Variants in COL28A1 observed in about 807,000 individuals in gnomAD.
COL28A1 encodes the protein collagen type XXVIII alpha 1 chain.
COL28A1 carries 161 observed loss-of-function variants against 150.2 expected under a neutral mutation model. That is an observed-to-expected ratio of 1.07 (90% CI 0.94 to 1.22). The LOEUF is 1.22. Among genes scored for constraint, COL28A1 ranks in the 50% most tolerant of loss-of-function variants. COL28A1 has a pLI of 0.00. For missense variants in COL28A1, 1,617 were observed against 1,388.3 expected, an observed-to-expected ratio of 1.16 and a Z score of -2.62; for synonymous variants, 552 against 469.7, an observed-to-expected ratio of 1.18 and a Z score of -2.26.
At chr7:7,422,085 A>T (rs80074674) in intron 25 of COL28A1, among the ~76,000 whole-genome samples, 1 of 152,160 alleles carries the variant, frequency 6.6e-6, no homozygotes, top group African/African-American at 2.4e-5. Flanking sequence ...AAGTTCTCCA[A>T]CTACACCTGA....
At position 7,362,768 on chromosome 7, in the gene COL28A1, T is replaced by C. The variant is rs183389512; in HGVS notation, c.3067-2240A>G. On this transcript the variant is annotated intron_variant, in intron 33 of 34. Transcript: ENST00000399429. ...TCCTCTTTCTTTCAGAATGATCCTG[T>C]ATGCAGATACAGCAATTTGAATGTG... 1.8e-3 allele frequency among the ~76,000 whole-genome samples: 268 copies of C among 152,340 alleles called. 1 individual carries two copies. The highest frequency in any genetic ancestry group is 6.1e-3 in the African/African-American group (255 of 41,574).
intron 18 of COL28A1, among the ~76,000 whole-genome samples, chr7:7,451,231 C>CT (rs111414835): frequency 0.02 from 2,901 of 144,580 alleles, 73 homozygotes; most frequent in East Asian, 0.13. Context: ...TGAAATACTT[C>CT]TTTTTTTTTT....
intron 27 of COL28A1, among the ~76,000 whole-genome samples, chr7:7,407,049 A>C (rs12702613): frequency 0.15 from 22,719 of 152,048 alleles, 1,865 homozygotes; most frequent in Middle Eastern, 0.23. Flanking sequence ...AACTCAATGG[A>C]CTGGTTAAAT....
At chr7:7,443,314 A>G (rs1785958573) in intron 20 of COL28A1, among the ~76,000 whole-genome samples, 1 of 152,094 alleles carries the variant, frequency 6.6e-6, no homozygotes, top group Admixed American at 6.5e-5. Flanking sequence ...TTTCCTTCCT[A>G]TGTGTTTTTT....
At chr7:7,503,855 C>T (rs1007297312) in intron 11 of COL28A1, among the ~76,000 whole-genome samples, 1 of 152,122 alleles carries the variant, frequency 6.6e-6, no homozygotes, top group Non-Finnish European at 1.5e-5. Context: ...AGACTCCGAG[C>T]GATCCCCAAC....
At chr7:7,432,962 T>G (rs1334752155) in intron 23 of COL28A1, among the ~76,000 whole-genome samples, 2 of 4,284 alleles carry the variant, frequency 4.7e-4, no homozygotes, top group African/African-American at 6.0e-3. Flanking sequence ...GAGTGTGGGA[T>G]AACTAGTTTC....
At chr7:7,397,536 T>C (rs1782910443) in intron 27 of COL28A1, among the ~76,000 whole-genome samples, 1 of 152,208 alleles carries the variant, frequency 6.6e-6, no homozygotes, top group African/African-American at 2.4e-5. Context: ...GTCTGTAATT[T>C]ACCTTAATAC....
chr7:7,514,874 G>A (rs17168369), intron 8 of COL28A1, among the ~76,000 whole-genome samples: 15,502 of 151,978 alleles, frequency 0.1, 860 homozygotes, highest in Middle Eastern at 0.21. Context: ...GCTACCATTC[G>A]GCTCCCCCTC....
intron 27 of COL28A1, among the ~76,000 whole-genome samples, chr7:7,396,918 C>G (rs1317947332): frequency 1.3e-5 from 2 of 152,186 alleles, no homozygotes; most frequent in African/African-American, 4.8e-5. Flanking sequence ...CCATGGCCCT[C>G]AATGCAGGGC....
chr7:7,350,035 A>C, the COL28A1 span, among the ~76,000 whole-genome samples: 1 of 152,276 alleles, frequency 6.6e-6, no homozygotes, highest in East Asian at 1.9e-4. Context: ...TGATGCTAAA[A>C]GGTTTGCCCT....
intron 20 of COL28A1, among the ~76,000 whole-genome samples, chr7:7,441,760 C>T (rs1401662828): frequency 6.6e-6 from 1 of 151,974 alleles, no homozygotes; most frequent in South Asian, 2.1e-4. Context: ...GTTCAGGGAC[C>T]ACACTTTGAG....
At chr7:7,502,107 C>T (rs1780565912) in intron 11 of COL28A1, among the ~76,000 whole-genome samples, 1 of 152,148 alleles carries the variant, frequency 6.6e-6, no homozygotes, top group East Asian at 1.9e-4. Flanking sequence ...CTTGGCCAGG[C>T]TGGTCTTGAG....
Position 7,373,025 on chromosome 7 carries a change from G to A in COL28A1, c.2881C>T (p.Gln961Ter), listed in dbSNP as rs201791013. The A allele has an allele frequency of 6.2e-7, 1 of 1,613,894 alleles. No individual in the cohort carries two copies. Among genetic ancestry groups the A allele is most frequent in the East Asian group, 2.2e-5 (1 of 44,876 alleles). Residue 961 changes from glutamine to a stop codon, truncating the protein, a stop_gained, in exon 32 of 35, where the codon CAG (glutamine) becomes TAG (stop). Coordinates refer to ENST00000399429, the MANE Select transcript of COL28A1 (RefSeq NM_001037763.3). LOFTEE classifies it high-confidence loss of function. This position sits in a 1 kb window ranked among gnomAD's most constrained non-coding sequence, Gnocchi z 4.1. ...TGCAGGGTAAAGAAATCATCAAACTGGTAAACATGCTCTGGGTCAGTAGCA... is the reference window on the plus strand; with the variant it reads ...TGCAGGGTAAAGAAATCATCAAACTAGTAAACATGCTCTGGGTCAGTAGCA... The part of the protein sequence containing the change: ...LIATDPEHVY[Q>*]FDDFFTLQDT...
intron 15 of COL28A1, among the ~76,000 whole-genome samples, chr7:7,465,640 C>T (rs1237139307): frequency 2.7e-4 from 32 of 119,580 alleles, no homozygotes; most frequent in African/African-American, 9.9e-4. Context: ...GTAGGCTCCA[C>T]CTCTGGGGGC....
chr7:7,347,819 G>A, the COL28A1 span, among the ~76,000 whole-genome samples: 4 of 152,094 alleles, frequency 2.6e-5, no homozygotes, highest in Non-Finnish European at 5.9e-5. Context: ...GAAGGCTGGA[G>A]CTGAAACATA....
intron 27 of COL28A1, among the ~76,000 whole-genome samples, chr7:7,394,713 T>A (rs1247507832): frequency 1.3e-5 from 2 of 152,160 alleles, no homozygotes; most frequent in Non-Finnish European, 2.9e-5. Flanking sequence ...ACATGGATAA[T>A]ATAAATGCTA....
At chr7:7,383,882 C>G (rs1256383144) in intron 27 of COL28A1, among the ~76,000 whole-genome samples, 1 of 151,786 alleles carries the variant, frequency 6.6e-6, no homozygotes, top group East Asian at 1.9e-4. Context: ...GTATACATTC[C>G]TAGGAGGAAA....
intron 25 of COL28A1, among the ~76,000 whole-genome samples, chr7:7,428,055 TTTC>T (rs907492109): frequency 6.8e-4 from 103 of 152,350 alleles, no homozygotes; most frequent in African/African-American, 2.3e-3. Context: ...TGGTTCTTCA[TTTC>T]TTCATCTATA....
At chr7:7,382,102 G>A (rs11978916) in intron 27 of COL28A1, among the ~76,000 whole-genome samples, 14,020 of 152,176 alleles carry the variant, frequency 0.092, 1,193 homozygotes, top group African/African-American at 0.22. Flanking sequence ...CTGAGGTCAT[G>A]AGTTTGAGAC....
Sources: allele counts gnomAD v4.1 joint callset (sites outside exome capture counted in the v4.1 genomes callset), GRCh38; gene constraint gnomAD v4.1.1; non-coding constraint Gnocchi (gnomAD v3.1); transcripts MANE v1.5; gene names NCBI Gene and HGNC (gene_info 2026-07-23, HGNC 2026-07-21).